The following CPVL variants were observed in gnomAD, a reference collection of about 807,000 sequenced individuals.
The protein encoded by CPVL is carboxypeptidase vitellogenic like.
Under a neutral mutation model 63.7 loss-of-function variants are expected in CPVL, and 51 were observed. The observed-to-expected ratio is 0.80, with a 90% confidence interval of 0.64 to 1.01. The LOEUF (loss-of-function observed/expected upper bound fraction) is 1.01, where lower values mean the gene tolerates loss of function less well. Among genes scored for constraint, CPVL ranks in the 50% least tolerant of loss-of-function variants. The probability of loss-of-function intolerance (pLI) is 0.00; values close to 1 mark genes in which losing one functional copy is unlikely to be tolerated. For missense variants in CPVL, 530 were observed against 573.1 expected, an observed-to-expected ratio of 0.92 and a Z score of 0.77; for synonymous variants, 195 against 206.0, an observed-to-expected ratio of 0.95 and a Z score of 0.46.
chr7:29,038,814 T>C (rs959186766), intron 11 of CPVL, among the ~76,000 whole-genome samples: 5 of 152,252 alleles, frequency 3.3e-5, no homozygotes, highest in African/African-American at 9.6e-5. Flanking sequence ...TTGCAGGTGG[T>C]TAAGTGTTCC....
At chr7:29,021,798 C>T (rs1787009323) in intron 12 of CPVL, among the ~76,000 whole-genome samples, 1 of 151,874 alleles carries the variant, frequency 6.6e-6, no homozygotes, top group South Asian at 2.1e-4. Flanking sequence ...GAGAGGCCGG[C>T]CCCCACCAGA....
At chr7:29,169,717 C>G (rs1796348763) in intron 5 of CPVL, among the ~76,000 whole-genome samples, 1 of 152,022 alleles carries the variant, frequency 6.6e-6, no homozygotes, top group African/African-American at 2.4e-5. Context: ...ACATTTGATC[C>G]AGAAAAGCTT....
chr7:29,111,762 C>G (rs1394997731), intron 3 of CPVL, among the ~76,000 whole-genome samples: 2 of 152,204 alleles, frequency 1.3e-5, no homozygotes, highest in African/African-American at 4.8e-5. Flanking sequence ...AACAACGTAA[C>G]TTGAAAACCA....
chr7:29,102,061 A>C (rs1216171872), intron 3 of CPVL, among the ~76,000 whole-genome samples: 1 of 152,194 alleles, frequency 6.6e-6, no homozygotes, highest in Admixed American at 6.5e-5. Flanking sequence ...ACCAACTCCT[A>C]CCCATGAGCA....
intron 12 of CPVL, among the ~76,000 whole-genome samples, chr7:29,006,888 C>T (rs1006161622): frequency 4.8e-5 from 7 of 147,366 alleles, no homozygotes; most frequent in African/African-American, 1.8e-4. Flanking sequence ...TATTTCTCTA[C>T]CCTACTCCAT....
chr7:29,071,481 G>A (rs1430500107), intron 9 of CPVL, among the ~76,000 whole-genome samples: 4 of 152,266 alleles, frequency 2.6e-5, no homozygotes, highest in South Asian at 2.1e-4. Flanking sequence ...AGTCTGCCTT[G>A]AGGGCCTCCA....
intron 6 of CPVL, among the ~76,000 whole-genome samples, chr7:29,089,045 C>G (rs1184442286): frequency 6.6e-6 from 1 of 152,144 alleles, no homozygotes; most frequent in Non-Finnish European, 1.5e-5. Flanking sequence ...GGTACAAGAG[C>G]TACATGGCAC....
intron 11 of CPVL, among the ~76,000 whole-genome samples, chr7:29,037,552 CAAAAA>C (rs35631871): frequency 1.8e-5 from 1 of 56,374 alleles, no homozygotes. Context: ...GACTCCATCT[CAAAAA>C]AAAAAAAAAA....
intron 12 of CPVL, among the ~76,000 whole-genome samples, chr7:29,015,324 C>T (rs1000949310): frequency 3.3e-5 from 5 of 152,052 alleles, no homozygotes; most frequent in Admixed American, 2.6e-4. Flanking sequence ...TGTGTCCCCA[C>T]CCAAATTGCT....
intron 6 of CPVL, among the ~76,000 whole-genome samples, chr7:29,090,390 T>C (rs985248520): frequency 1.3e-5 from 2 of 152,232 alleles, no homozygotes; most frequent in Non-Finnish European, 2.9e-5. Context: ...TCTCATTTAA[T>C]ATAGGAAGCC....
At chr7:29,055,970 C>T (rs1158877169) in intron 11 of CPVL, among the ~76,000 whole-genome samples, 1 of 152,266 alleles carries the variant, frequency 6.6e-6, no homozygotes, top group East Asian at 1.9e-4. Context: ...ATACTAGCAT[C>T]TATCCCCTTT....
intron 12 of CPVL, among the ~76,000 whole-genome samples, chr7:29,003,154 GCACA>G (rs535400256): frequency 0.011 from 1,367 of 123,768 alleles, 18 homozygotes; most frequent in East Asian, 0.025. Context: ...ATGTGTATGT[GCACA>G]CACACACACA....
intron 1 of CPVL, among the ~76,000 whole-genome samples, chr7:29,142,862 A>T (rs915778355): frequency 6.6e-6 from 1 of 152,140 alleles, no homozygotes; most frequent in Non-Finnish European, 1.5e-5. Flanking sequence ...TTATAATTGC[A>T]GATGCCTGAG....
At chr7:29,104,721 T>C (rs556303383) in intron 3 of CPVL, among the ~76,000 whole-genome samples, 55 of 152,358 alleles carry the variant, frequency 3.6e-4, no homozygotes, top group African/African-American at 1.2e-3. Flanking sequence ...CTTCATGAGA[T>C]AGTTATGGCT....
upstream of CPVL, chr7:29,147,414 G>T: frequency 6.3e-6 from 1 of 158,216 alleles, no homozygotes. Flanking sequence ...GACAGTCAGG[G>T]GGAAAAATTG....
At chr7:29,134,028 A>G (rs1459284207) in intron 1 of CPVL, among the ~76,000 whole-genome samples, 1 of 152,204 alleles carries the variant, frequency 6.6e-6, no homozygotes, top group Admixed American at 6.5e-5. Context: ...CAGCAAATTC[A>G]TTATTTGGAC....
chr7:29,124,234 C>G (rs917209928), intron 1 of CPVL, among the ~76,000 whole-genome samples: 1 of 152,082 alleles, frequency 6.6e-6, no homozygotes, highest in Non-Finnish European at 1.5e-5. Flanking sequence ...AACCAACAAA[C>G]CTTATACTAG....
intron 11 of CPVL, among the ~76,000 whole-genome samples, chr7:29,043,735 C>A (rs1317974428): frequency 6.6e-6 from 1 of 152,134 alleles, no homozygotes; most frequent in Non-Finnish European, 1.5e-5. Flanking sequence ...TGACTCATGG[C>A]AGGAGTGTGG....
At chr7:29,062,830 T>G (rs1452176563) in intron 11 of CPVL, among the ~76,000 whole-genome samples, 2 of 152,194 alleles carry the variant, frequency 1.3e-5, no homozygotes, top group Non-Finnish European at 2.9e-5. Flanking sequence ...GAGGAGAGGA[T>G]GCCTTTATTC....
Sources: gnomAD v4.1 joint callset for allele counts (sites outside exome capture counted in the v4.1 genomes callset) on GRCh38, gnomAD v4.1.1 for gene constraint, MANE v1.5 for transcripts, NCBI Gene and HGNC (gene_info 2026-07-23, HGNC 2026-07-21) for gene names.